POU2F3: variants seen among roughly 807,000 people sequenced by gnomAD.
POU2F3 encodes the protein POU domain, class 2, transcription factor 3.
A neutral mutation model predicts 59.2 loss-of-function variants in POU2F3; 23 were observed. That is an observed-to-expected ratio of 0.39 (90% confidence interval 0.28 to 0.55). The LOEUF (loss-of-function observed/expected upper bound fraction) is 0.55. Ranked by LOEUF, POU2F3 falls within the 20% of genes least tolerant of loss-of-function variation. The probability of loss-of-function intolerance (pLI) is 0.66; values close to 1 mark genes in which losing one functional copy is unlikely to be tolerated. For missense variants in POU2F3, 473 were observed against 544.5 expected, an observed-to-expected ratio of 0.87 and a Z score of 1.31; for synonymous variants, 190 against 214.6, an observed-to-expected ratio of 0.89 and a Z score of 1.00.
At chr11:120,249,502 A>G (rs1169482054) in intron 2 of POU2F3, among the ~76,000 whole-genome samples, 2 of 152,106 alleles carry the variant, frequency 1.3e-5, no homozygotes, top group Non-Finnish European at 2.9e-5. Flanking sequence ...GAGCCACCGC[A>G]CCGGGACTTT....
intron 10 of POU2F3, among the ~76,000 whole-genome samples, chr11:120,309,789 C>A (rs1198035372): frequency 6.6e-6 from 1 of 152,148 alleles, no homozygotes; most frequent in African/African-American, 2.4e-5. Flanking sequence ...TCAGAGAGGA[C>A]CTCCCTGAAA....
intron 3 of POU2F3, among the ~76,000 whole-genome samples, chr11:120,273,843 C>T (rs1940185558): frequency 6.6e-6 from 1 of 152,012 alleles, no homozygotes; most frequent in Non-Finnish European, 1.5e-5. Flanking sequence ...TGGCGAAACA[C>T]CATCTCTACT....
At chr11:120,317,036 G>GTGC in intron 11 of POU2F3, 193 bp from the exon 12 acceptor site, 1 of 634,408 alleles carries the variant, frequency 1.6e-6, no homozygotes, top group Non-Finnish European at 2.8e-6. Flanking sequence ...GAGCATTTGT[G>GTGC]ACGACAGCCC....
At chr11:120,311,220 G>C (rs1345054430) in intron 10 of POU2F3, among the ~76,000 whole-genome samples, 2 of 152,220 alleles carry the variant, frequency 1.3e-5, no homozygotes, top group Non-Finnish European at 2.9e-5. Flanking sequence ...GAAGGTTTGG[G>C]GGAATCACTG....
chr11:120,302,030 CG>C (rs967958548), intron 5 of POU2F3: 192 of 433,938 alleles, frequency 4.4e-4, no homozygotes, highest in African/African-American at 3.5e-3. Context: ...TCCAGACAGG[CG>C]GGCAGGTGGA....
At chr11:120,300,318 A>G (rs1210580061) in intron 5 of POU2F3, among the ~76,000 whole-genome samples, 3 of 152,206 alleles carry the variant, frequency 2.0e-5, no homozygotes, top group African/African-American at 7.2e-5. Flanking sequence ...TTTTTCTGAC[A>G]TTCCTCAAAA....
At chr11:120,274,482 G>A (rs567294328) in intron 3 of POU2F3, among the ~76,000 whole-genome samples, 1 of 152,336 alleles carries the variant, frequency 6.6e-6, no homozygotes, top group Non-Finnish European at 1.5e-5. Context: ...GGCATGGACA[G>A]CAAAGAAGAG....
rs1294859969 is a variant in POU2F3 at position 120,285,967 on chromosome 11, C to G, written c.133-12298C>G. ...GTGCTATCTCGGCTCACTGCAACCT[C>G]CGCCCCCAGGGTTCAAACAATTCTC... On this transcript the variant is annotated intron_variant, in intron 3 of 12. Transcript: ENST00000543440. This position sits in a 1 kb window ranked among gnomAD's most constrained non-coding sequence, Gnocchi z 4.3. Among the ~76,000 whole-genome samples, 1 of 152,108 alleles carries G rather than the reference C, an allele frequency of 6.6e-6. No individual in the cohort carries two copies. Among genetic ancestry groups the G allele is most frequent in the Non-Finnish European group, 1.5e-5 (1 of 68,022 alleles).
chr11:120,309,799 A>G (rs1446147115), intron 10 of POU2F3, among the ~76,000 whole-genome samples: 2 of 152,220 alleles, frequency 1.3e-5, no homozygotes, highest in Non-Finnish European at 2.9e-5. Flanking sequence ...CCTCCCTGAA[A>G]AGGGTGTGTG....
At chr11:120,261,482 A>G (rs1844700338) in intron 2 of POU2F3, among the ~76,000 whole-genome samples, 1 of 152,084 alleles carries the variant, frequency 6.6e-6, no homozygotes, top group African/African-American at 2.4e-5. Context: ...GTCCATGAGA[A>G]CCAAAAGAGG....
rs552196618 is a variant in POU2F3 at position 120,257,884 on chromosome 11, C to G, written c.98-11326C>G. Among the ~76,000 whole-genome samples the G allele has an allele frequency of 3.3e-5, 5 of 152,310 alleles. No homozygotes were observed. In the East Asian group the frequency reaches 9.6e-4, roughly 29 times the overall value. ...GCATTTTGGTGGCCAGCACATGGAC[C>G]TTGGAGCCAGAACTTGGAGCTCTGA... is the stretch of plus-strand genomic sequence containing the variant. On this transcript the variant is annotated intron_variant, in intron 2 of 12. Coordinates refer to ENST00000543440, the MANE Select transcript of POU2F3 (RefSeq NM_014352.4).
intron 8 of POU2F3, 122 bp downstream of exon 8, chr11:120,305,907 G>A: frequency 8.2e-7 from 1 of 1,218,608 alleles, no homozygotes; most frequent in Non-Finnish European, 1.1e-6. Flanking sequence ...TCCTGAGACT[G>A]GAGCCGATGG....
chr11:120,305,494 G>A (rs1941461538), intron 7 of POU2F3, 150 bp from the exon 8 acceptor site: 1 of 1,241,272 alleles, frequency 8.1e-7, no homozygotes, highest in African/African-American at 1.5e-5. Context: ...CTTCACCTTA[G>A]AGGGAGGAGA....
Position 120,317,365 on chromosome 11 carries a change from G to T in POU2F3, c.1271+1G>T. 6.2e-7 allele frequency: 1 copy of T among 1,614,150 alleles called. No homozygotes were observed. The highest frequency in any genetic ancestry group is 1.1e-5 in the South Asian group (1 of 91,082). On this transcript the variant is annotated splice_donor_variant, in intron 12 of 12. Transcript: ENST00000543440. LOFTEE classifies it high-confidence loss of function. ...CCGCCTCCAGTTTTAACTCTTCAGG[G>T]TAAGGTGAAGGGGACGGTGCAGAGA...
chr11:120,292,521 T>G (rs1461888535), intron 3 of POU2F3, among the ~76,000 whole-genome samples: 1 of 152,172 alleles, frequency 6.6e-6, no homozygotes, highest in African/African-American at 2.4e-5. Context: ...TTTCACTTAT[T>G]TAGGGGCAGA....
At chr11:120,262,754 C>G (rs1198098386) in intron 2 of POU2F3, among the ~76,000 whole-genome samples, 2 of 152,192 alleles carry the variant, frequency 1.3e-5, no homozygotes, top group East Asian at 3.8e-4. Flanking sequence ...AGCAGATGGT[C>G]TTAAAAGTGG....
chr11:120,252,630 C>T (rs530437429), intron 2 of POU2F3, among the ~76,000 whole-genome samples: 38 of 152,316 alleles, frequency 2.5e-4, no homozygotes, highest in Non-Finnish European at 3.8e-4. Flanking sequence ...CCAGAGATCG[C>T]AGAACAGCCT....
chr11:120,304,831 A>C (rs1226510750), intron 6 of POU2F3, among the ~76,000 whole-genome samples, 199 bp from the exon 7 acceptor site: 1 of 151,380 alleles, frequency 6.6e-6, no homozygotes, highest in Non-Finnish European at 1.5e-5. Context: ...GTTATTTGCT[A>C]TACATTTATA....
At chr11:120,242,092 C>T (rs1938688439) in intron 1 of POU2F3, among the ~76,000 whole-genome samples, 2 of 152,288 alleles carry the variant, frequency 1.3e-5, no homozygotes, top group South Asian at 4.1e-4. Flanking sequence ...TTGCCCAATT[C>T]ATCTCTCTCC....
Sources: allele counts gnomAD v4.1 joint callset (sites outside exome capture counted in the v4.1 genomes callset), GRCh38; gene constraint gnomAD v4.1.1; non-coding constraint Gnocchi (gnomAD v3.1); transcripts MANE v1.5; gene names NCBI Gene and HGNC (gene_info 2026-07-23, HGNC 2026-07-21).